The following PIK3C3 variants were observed in gnomAD, a reference collection of about 807,000 sequenced individuals.
PIK3C3 encodes the protein phosphatidylinositol 3-kinase catalytic subunit type 3, also known as PI3-kinase type 3.
A neutral mutation model predicts 126.1 loss-of-function variants in PIK3C3; 95 were observed. That is an observed-to-expected ratio of 0.75 (90% CI 0.64 to 0.89). The LOEUF (loss-of-function observed/expected upper bound fraction) is 0.89. Among genes scored for constraint, PIK3C3 ranks in the 40% least tolerant of loss-of-function variants. The probability of loss-of-function intolerance (pLI) is 0.00; values close to 1 mark genes in which losing one functional copy is unlikely to be tolerated. For missense variants in PIK3C3, 829 were observed against 1,063.2 expected (o/e 0.78, Z 3.06); for synonymous variants, 374 against 360.0 (o/e 1.04, Z -0.44).
At chr18:41,993,443 C>T in intron 7 of PIK3C3, 102 bp downstream of exon 7, 3 of 689,506 alleles carry the variant, frequency 4.4e-6, no homozygotes, top group Non-Finnish European at 7.7e-6. Flanking sequence ...ATATAACTGC[C>T]TCCGTTACCT....
intron 4 of PIK3C3, 109 bp from the exon 5 acceptor site, chr18:41,987,703 G>T: frequency 1.5e-6 from 1 of 648,196 alleles, no homozygotes. Flanking sequence ...GGTTTCTATT[G>T]TGTATAGGAA....
chr18:42,027,620 C>T lies in PIK3C3; in HGVS notation c.1590+72C>T, dbSNP rs1983630415. 8 of 749,178 alleles carry T rather than the reference C, an allele frequency of 1.1e-5. No homozygotes were observed. In the Admixed American group the frequency reaches 1.3e-4, roughly 12 times the overall value. The allele number at this position is 749,178 out of a possible 1,614,324, so 46.4% of individuals were successfully genotyped here. On this transcript the variant is annotated intron_variant, in intron 14 of 24. Transcript: ENST00000262039. ...ATTCAGCCTGTTGCCTGTTTAGGAA[C>T]ATCCCATGAGCTAAAAATGGTTTTA...
At chr18:42,076,114 A>ATATATATG (rs1985981603) in intron 24 of PIK3C3, among the ~76,000 whole-genome samples, 1 of 74,520 alleles carries the variant, frequency 1.3e-5, no homozygotes, top group African/African-American at 7.3e-5. Context: ...ATATATATAT[A>ATATATATG]TATATATGCG....
chr18:42,049,448 TGC>T, intron 20 of PIK3C3, 81 bp from the exon 21 acceptor site: 1 of 915,940 alleles, frequency 1.1e-6, no homozygotes, highest in Non-Finnish European at 1.7e-6. Flanking sequence ...ATATTAAAGT[TGC>T]ACAAACTGCT....
chr18:42,075,109 C>G (rs188271774), intron 24 of PIK3C3, among the ~76,000 whole-genome samples: 51 of 152,176 alleles, frequency 3.4e-4, no homozygotes, highest in Admixed American at 1.2e-3. Context: ...TTTGGAACAT[C>G]AGGTTTTATC....
chr18:41,974,941 T>C (rs111372986), intron 4 of PIK3C3, among the ~76,000 whole-genome samples: 11 of 152,342 alleles, frequency 7.2e-5, no homozygotes, highest in African/African-American at 2.6e-4. Context: ...GCAGCTCTGC[T>C]TGATGCCTTT....
intron 20 of PIK3C3, among the ~76,000 whole-genome samples, chr18:42,045,826 C>A (rs188723569): frequency 9.2e-5 from 14 of 152,216 alleles, no homozygotes; most frequent in Admixed American, 8.5e-4. Context: ...TTATCTTTTA[C>A]CTTTTTACTA....
chr18:42,029,534 ATTTTTTTTT>A lies in PIK3C3; in HGVS notation c.1707+113_1707+121del, dbSNP rs57593886. On this transcript the variant is annotated intron_variant, in intron 15 of 24. Coordinates refer to ENST00000262039, the MANE Select transcript of PIK3C3 (RefSeq NM_002647.4). ...ATTGTCTTTTTGGGTTGATACGTGA[ATTTTTTTTT>A]TTTTTTTTTTTTTTTTTTTGACAAT... The A allele has an allele frequency of 6.6e-3, 1,411 of 212,764 alleles. 4 individuals carry two copies. The highest frequency in any genetic ancestry group is 0.02 in the Middle Eastern group (14 of 710). The allele number at this position is 212,764 out of a possible 1,614,324, so 13.2% of individuals were successfully genotyped here.
chr18:42,011,275 C>G (rs923636425), intron 10 of PIK3C3, among the ~76,000 whole-genome samples: 1 of 152,296 alleles, frequency 6.6e-6, no homozygotes, highest in East Asian at 1.9e-4. Context: ...TAGATGGTGT[C>G]TTATTCTAAA....
chr18:42,011,909 C>T (rs655693), intron 10 of PIK3C3, among the ~76,000 whole-genome samples: 12,302 of 152,092 alleles, frequency 0.081, 1,636 homozygotes, highest in African/African-American at 0.28. Context: ...GACAGGGAAA[C>T]GGCTGGTTGT....
chr18:41,960,769 C>T (rs1006787262), intron 2 of PIK3C3, among the ~76,000 whole-genome samples: 2 of 149,818 alleles, frequency 1.3e-5, no homozygotes, highest in Non-Finnish European at 3.0e-5. Flanking sequence ...TTTGAGATGG[C>T]GTCTCGCTCT....
At chr18:42,035,107 A>G (rs1351238162) in intron 16 of PIK3C3, among the ~76,000 whole-genome samples, 2 of 152,224 alleles carry the variant, frequency 1.3e-5, no homozygotes, top group African/African-American at 4.8e-5. Flanking sequence ...CAAGTTAAAA[A>G]TACTGGTATT....
At chr18:42,072,921 G>A (rs181572943) in intron 24 of PIK3C3, among the ~76,000 whole-genome samples, 1 of 152,238 alleles carries the variant, frequency 6.6e-6, no homozygotes, top group East Asian at 1.9e-4. Context: ...AGTTGCACAA[G>A]TAGGCCTTTC....
intron 13 of PIK3C3, chr18:42,026,596 T>G (rs961045210): frequency 6.6e-6 from 1 of 152,098 alleles, no homozygotes; most frequent in Non-Finnish European, 1.5e-5. Context: ...GCTGGGACTA[T>G]AGTCGGCGAC....
intron 20 of PIK3C3, among the ~76,000 whole-genome samples, chr18:42,047,941 G>A (rs1984627675): frequency 6.6e-6 from 1 of 152,184 alleles, no homozygotes; most frequent in South Asian, 2.1e-4. Flanking sequence ...TTTCAAGTCA[G>A]ATGATCTGTG....
intron 4 of PIK3C3, among the ~76,000 whole-genome samples, chr18:41,983,545 A>G (rs781101627): frequency 2.6e-5 from 4 of 152,180 alleles, no homozygotes; most frequent in African/African-American, 4.8e-5. Flanking sequence ...GCTAGCTTCT[A>G]TTGAACATTC....
At chr18:41,975,615 T>C (rs1429854413) in intron 4 of PIK3C3, among the ~76,000 whole-genome samples, 4 of 152,204 alleles carry the variant, frequency 2.6e-5, no homozygotes, top group African/African-American at 4.8e-5. Context: ...CTTCATGATA[T>C]TGTTGATTTC....
chr18:42,067,481 G>A lies in PIK3C3; in HGVS notation c.2617G>A (p.Ala873Thr). 6.2e-7 allele frequency: 1 copy of A among 1,614,130 alleles called. No homozygotes were observed. The change falls in exon 24 of 25, where the codon GCA becomes ACA. Residue 873 changes from alanine (A) to threonine (T), a missense_variant. Around this residue, in one of 4 missense-constraint regions of PIK3C3, gnomAD observed 196 missense variants for 312.8 expected, o/e 0.63. Coordinates refer to ENST00000262039, the MANE Select transcript of PIK3C3 (RefSeq NM_002647.4). ...IDESVHALFA[A>T]VVEQIHKFAQ... ...TGAGAGTGTCCATGCTCTTTTTGCT[G>A]CAGTGGTGGAACAGATTCACAAGTT... is the stretch of plus-strand genomic sequence containing the variant.
chr18:42,067,574 T>C, intron 24 of PIK3C3, 61 bp downstream of exon 24: 4 of 1,560,230 alleles, frequency 2.6e-6, no homozygotes, highest in Non-Finnish European at 3.5e-6. Context: ...CCAGAGTCCT[T>C]GGAGAGCCAT....
Sources: gnomAD v4.1 joint callset for allele counts (sites outside exome capture counted in the v4.1 genomes callset) on GRCh38, gnomAD v4.1.1 for gene constraint, gnomAD v4.1.1 regional missense constraint, MANE v1.5 for transcripts, NCBI Gene and HGNC (gene_info 2026-07-23, HGNC 2026-07-21) for gene names.